Variants in CCR5AS observed in about 807,000 individuals in gnomAD.
CCR5AS encodes CCR5 antisense RNA.
At chr3:46,365,592 T>C (rs7652954) in intron 3 of CCR5AS, among the ~76,000 whole-genome samples, 9,580 of 152,232 alleles carry the variant, frequency 0.063, 997 homozygotes, top group African/African-American at 0.22. Flanking sequence ...TGAACCTCTT[T>C]AGCTAACTGG....
chr3:46,380,477 A>T (rs1182363830), intron 2 of CCR5AS, among the ~76,000 whole-genome samples: 2 of 152,366 alleles, frequency 1.3e-5, no homozygotes, highest in East Asian at 3.9e-4. Context: ...CCTCTTATGG[A>T]ATCCTATGGT....
At chr3:46,373,621 T>C (rs199780106) in intron 2 of CCR5AS, 2 of 1,614,084 alleles carry the variant, frequency 1.2e-6, no homozygotes, top group South Asian at 1.1e-5. Context: ...ATCTTCACCA[T>C]CATGATTGTT....
intron 1 of CCR5AS, among the ~76,000 whole-genome samples, chr3:46,400,546 A>C (rs1328918310): frequency 6.6e-6 from 1 of 152,242 alleles, no homozygotes; most frequent in Non-Finnish European, 1.5e-5. Flanking sequence ...AAAAGTTGTC[A>C]TCAGAAAAGT....
At chr3:46,391,513 G>A (rs761356877) in intron 2 of CCR5AS, among the ~76,000 whole-genome samples, 17 of 152,168 alleles carry the variant, frequency 1.1e-4, no homozygotes, top group Admixed American at 1.3e-4. Context: ...GGTCTAGAGA[G>A]GTAAAGTGTC....
intron 2 of CCR5AS, chr3:46,374,665 G>A (rs1042129524): frequency 6.0e-6 from 1 of 167,280 alleles, no homozygotes; most frequent in African/African-American, 2.4e-5. Context: ...AGCTGGTTGG[G>A]AAGACATGGG....
At chr3:46,389,623 C>T (rs956580614) in intron 2 of CCR5AS, among the ~76,000 whole-genome samples, 7 of 152,010 alleles carry the variant, frequency 4.6e-5, no homozygotes, top group South Asian at 2.1e-4. Context: ...AAGGATGGGA[C>T]GAGTCGGGGA....
chr3:46,366,196 T>C (rs1427568178), intron 3 of CCR5AS, among the ~76,000 whole-genome samples: 3 of 152,214 alleles, frequency 2.0e-5, no homozygotes, highest in Non-Finnish European at 4.4e-5. Flanking sequence ...GAGAGGTGTC[T>C]GAGCCCAGGT....
intron 1 of CCR5AS, among the ~76,000 whole-genome samples, chr3:46,394,541 C>A (rs1278220055): frequency 6.6e-6 from 1 of 152,178 alleles, no homozygotes; most frequent in Non-Finnish European, 1.5e-5. Flanking sequence ...CAGAACACCA[C>A]TCTCTCAAGC....
At chr3:46,376,722 A>C (rs1701763174) in intron 2 of CCR5AS, among the ~76,000 whole-genome samples, 1 of 152,142 alleles carries the variant, frequency 6.6e-6, no homozygotes, top group East Asian at 1.9e-4. Context: ...AATCATGTAC[A>C]TTTGGATTTA....
intron 2 of CCR5AS, among the ~76,000 whole-genome samples, chr3:46,380,147 C>T (rs1290593578): frequency 6.6e-6 from 1 of 152,078 alleles, no homozygotes; most frequent in African/African-American, 2.4e-5. Flanking sequence ...TTCAACCTGC[C>T]TTTCTGGAGG....
chr3:46,375,442 C>G (rs1014493775), intron 2 of CCR5AS: 2 of 167,008 alleles, frequency 1.2e-5, no homozygotes, highest in African/African-American at 4.8e-5. Flanking sequence ...AGGGATAGCA[C>G]TGAGCAAAGC....
intron 2 of CCR5AS, among the ~76,000 whole-genome samples, chr3:46,381,982 CT>C (rs1375537627): frequency 6.6e-6 from 1 of 152,172 alleles, no homozygotes; most frequent in Admixed American, 6.5e-5. Context: ...TCAGAGAGTC[CT>C]CGGTAAGATT....
At chr3:46,402,160 T>C (rs1245433519) in intron 1 of CCR5AS, among the ~76,000 whole-genome samples, 1 of 152,208 alleles carries the variant, frequency 6.6e-6, no homozygotes, top group African/African-American at 2.4e-5. Flanking sequence ...CTTTAGGGAA[T>C]AGTCAACACT....
At chr3:46,394,564 G>A (rs371566064) in intron 1 of CCR5AS, among the ~76,000 whole-genome samples, 7 of 152,182 alleles carry the variant, frequency 4.6e-5, no homozygotes, top group African/African-American at 1.4e-4. Context: ...CCCCAGTGGC[G>A]CGTGCACACC....
At chr3:46,400,672 C>G (rs1463892160) in intron 1 of CCR5AS, among the ~76,000 whole-genome samples, 1 of 152,118 alleles carries the variant, frequency 6.6e-6, no homozygotes, top group Admixed American at 6.5e-5. Context: ...GACTTGGGCA[C>G]CAGATGGGGG....
At chr3:46,392,051 G>T (rs1243985236) in intron 2 of CCR5AS, among the ~76,000 whole-genome samples, 1 of 152,212 alleles carries the variant, frequency 6.6e-6, no homozygotes, top group African/African-American at 2.4e-5. Flanking sequence ...TCTAGATCTT[G>T]TAGGATGGAT....
chr3:46,400,821 G>A (rs1159147338), intron 1 of CCR5AS, among the ~76,000 whole-genome samples: 5 of 152,210 alleles, frequency 3.3e-5, no homozygotes, highest in Admixed American at 2.6e-4. Context: ...GGAGCAGAGA[G>A]CAATGTAGTT....
At chr3:46,377,344 G>A (rs1028232505) in intron 2 of CCR5AS, among the ~76,000 whole-genome samples, 8 of 152,100 alleles carry the variant, frequency 5.3e-5, no homozygotes, top group African/African-American at 1.9e-4. Flanking sequence ...TGGGGTGAAC[G>A]TACCTTCTGT....
chr3:46,392,876 C>T (rs552693936), exon 2 of CCR5AS: 5 of 214,906 alleles, frequency 2.3e-5, no homozygotes, highest in Admixed American at 5.7e-5. Flanking sequence ...GACCTGAGGT[C>T]GTAGGTGGAT....
Sources: gnomAD v4.1 joint callset for allele counts (sites outside exome capture counted in the v4.1 genomes callset) on GRCh38, gnomAD v4.1.1 for gene constraint, MANE v1.5 for transcripts, NCBI Gene and HGNC (gene_info 2026-07-23, HGNC 2026-07-21) for gene names.